The following C19orf85 variants were observed in gnomAD, a reference collection of about 807,000 sequenced individuals.
C19orf85 encodes the protein uncharacterized protein C19orf85.
rs1336739433 is a variant in C19orf85 at position 55,464,723 on chromosome 19, C to T, written c.-169G>A. On this transcript the variant is annotated 5_prime_UTR_variant, in exon 1 of 2. Coordinates refer to ENST00000635964, the MANE Select transcript of C19orf85 (RefSeq NM_001386794.1). ...TCCCCACTGTGCCCTAACCCTGTCC[C>T]CACCTCCCAGGAGCCCGACCTGAAG... The T allele has an allele frequency of 2.5e-6, 1 of 396,308 alleles. No individual in the cohort carries two copies. The highest frequency in any genetic ancestry group is 1.4e-4 in the South Asian group (1 of 7,010). 24.5% of individuals were successfully genotyped at this position (396,308 alleles called of 1,614,324 possible). A position where few individuals can be genotyped will look rare whatever the true frequency, so the allele number is the denominator to read the frequency against.
rs1487062470 is a variant in C19orf85, at chr19:55,464,320, G to T, written c.173+62C>A. The T allele has an allele frequency of 1.5e-5, 6 of 398,514 alleles. No individual in the cohort carries two copies. The East Asian group carries it at 1.8e-4, about 12-fold the overall frequency. The allele number at this position is 398,514 out of a possible 1,614,324, so 24.7% of individuals were successfully genotyped here. ...TGTACCTGGTCTCCCCCAGCCAAGG[G>T]TGCTGGTTGCTCCTTCCCCTCTTCC... On this transcript the variant is annotated intron_variant, in intron 1 of 1. Transcript: ENST00000635964.
At position 55,463,111 on chromosome 19, in the gene C19orf85, C is replaced by A. The variant is rs2123394366; in HGVS notation, c.*361G>T. 1 of 223,502 alleles carries A rather than the reference C, an allele frequency of 4.5e-6. No individual in the cohort carries two copies. The highest frequency in any genetic ancestry group is 8.7e-6 in the Non-Finnish European group (1 of 115,060). 13.8% of individuals were successfully genotyped at this position (223,502 alleles called of 1,614,324 possible). ...CGTCTGCCTCGTTCACAGCTGAATC[C>A]TCAAGTCCTAGACCTGGGCCTGGCC... On this transcript the variant is annotated 3_prime_UTR_variant, in exon 2 of 2. Transcript: ENST00000635964. The surrounding 1 kb of genome is among the most constrained non-coding windows in gnomAD (Gnocchi z 4.9).
At chr19:55,464,235 C>G (rs1019196802) in intron 1 of C19orf85, 147 bp downstream of exon 1, 4 of 397,720 alleles carry the variant, frequency 1.0e-5, no homozygotes, top group Admixed American at 8.8e-5. Context: ...ACAGTAGGCA[C>G]TCAATAAATG....
Position 55,463,248 on chromosome 19 carries a change from AG to A in C19orf85, c.*223del, listed in dbSNP as rs949963879. 26 of 394,952 alleles carry A rather than the reference AG, an allele frequency of 6.6e-5. No individual in the cohort carries two copies. Among genetic ancestry groups the A allele is most frequent in the African/African-American group, 4.7e-4 (23 of 48,724 alleles). 24.5% of individuals were successfully genotyped at this position (394,952 alleles called of 1,614,324 possible). On this transcript the variant is annotated 3_prime_UTR_variant, in exon 2 of 2. Coordinates refer to ENST00000635964, the MANE Select transcript of C19orf85 (RefSeq NM_001386794.1). The surrounding 1 kb of genome is among the most constrained non-coding windows in gnomAD (Gnocchi z 4.9). ...GGATGCCCAGATGGGGCTAGGCAGA[AG>A]GAAGGGGGAAGGCAGGAAAGCAAGA... is the stretch of plus-strand genomic sequence containing the variant.
Position 55,463,606 on chromosome 19 carries a change from G to C in C19orf85, c.535C>G (p.Pro179Ala), listed in dbSNP as rs1378175640. ...RQVPHFCGPLPLPQHALGEEA... is the reference protein window; with the variant it reads ...RQVPHFCGPLALPQHALGEEA... ...TCCCCCAGGGCATGCTGGGGAAGGGGCAGGGGGCCGCAGAAATGTGGGACC... is the reference window on the plus strand; with the variant it reads ...TCCCCCAGGGCATGCTGGGGAAGGGCCAGGGGGCCGCAGAAATGTGGGACC... Residue 179 changes from proline (P) to alanine (A), a missense_variant, in exon 2 of 2, where the codon CCC becomes GCC. Transcript: ENST00000635964. This position sits in a 1 kb window ranked among gnomAD's most constrained non-coding sequence, Gnocchi z 4.9. 5.0e-6 allele frequency: 2 copies of C among 398,740 alleles called. No homozygotes were observed. The highest frequency in any genetic ancestry group is 8.8e-6 in the Non-Finnish European group (2 of 226,144). 24.7% of individuals were successfully genotyped at this position (398,740 alleles called of 1,614,324 possible). A position where few individuals can be genotyped will look rare whatever the true frequency, so the allele number is the denominator to read the frequency against.
Position 55,464,418 on chromosome 19 carries a change from G to C in C19orf85, c.137C>G (p.Pro46Arg), listed in dbSNP as rs931364621. The part of the protein sequence containing the change: ...PRRTRPPKRR[P>R]NHRRFLHNQI... ...GTTGTGCAGAAACCTTCTGTGGTTG[G>C]GCCGCCTCTTGGGGGGCCGGGTGCG... The change falls in exon 1 of 2, where the codon CCC (proline) becomes CGC (arginine). Residue 46 changes from proline (P) to arginine (R), a missense_variant. By Grantham distance (103) the Pro-to-Arg change is moderately radical. Coordinates refer to ENST00000635964, the MANE Select transcript of C19orf85 (RefSeq NM_001386794.1). The C allele has an allele frequency of 7.0e-5, 28 of 398,268 alleles. No homozygotes were observed. The highest frequency in any genetic ancestry group is 1.2e-4 in the Non-Finnish European group (26 of 225,908). The allele number at this position is 398,268 out of a possible 1,614,324, so 24.7% of individuals were successfully genotyped here. A position where few individuals can be genotyped will look rare whatever the true frequency, so the allele number is the denominator to read the frequency against.
At position 55,463,651 on chromosome 19, in the gene C19orf85, C is replaced by G; in HGVS notation, c.490G>C (p.Gly164Arg). 5.0e-6 allele frequency: 2 copies of G among 398,714 alleles called. No homozygotes were observed. The allele number at this position is 398,714 out of a possible 1,614,324, so 24.7% of individuals were successfully genotyped here. ...PAPGLSHRDL[G>R]QLDLRQVPHF... ...GGGACCTGCCTCAGGTCCAGCTGGC[C>G]CAGGTCGCGATGGGACAGACCCGGC... Residue 164 changes from glycine to arginine, a missense_variant, in exon 2 of 2, where the codon GGC becomes CGC. Transcript: ENST00000635964. The surrounding 1 kb of genome is among the most constrained non-coding windows in gnomAD (Gnocchi z 4.9).
Position 55,463,080 on chromosome 19 carries a change from G to A in C19orf85, c.*392C>T, listed in dbSNP as rs1388458514. On this transcript the variant is annotated 3_prime_UTR_variant, in exon 2 of 2. Transcript: ENST00000635964. The surrounding 1 kb of genome is among the most constrained non-coding windows in gnomAD (Gnocchi z 4.9). ...CAGAACAGGGAGCTCCCTGAGGCAG[G>A]GGTCCCGTCTGCCTCGTTCACAGCT... 5.0e-6 allele frequency: 1 copy of A among 200,052 alleles called. No individual in the cohort carries two copies. The highest frequency in any genetic ancestry group is 1.0e-5 in the Non-Finnish European group (1 of 100,316). The allele number at this position is 200,052 out of a possible 1,614,324, so 12.4% of individuals were successfully genotyped here.
chr19:55,464,626 G>A lies in C19orf85; in HGVS notation c.-72C>T. On this transcript the variant is annotated 5_prime_UTR_variant, in exon 1 of 2. Coordinates refer to ENST00000635964, the MANE Select transcript of C19orf85 (RefSeq NM_001386794.1). ...CACCCCCCAAATCTGTGAGCAGGGAGGGGCAGGGGACTCTGGAGGCCCAGG... is the reference window on the plus strand; with the variant it reads ...CACCCCCCAAATCTGTGAGCAGGGAAGGGCAGGGGACTCTGGAGGCCCAGG... The A allele has an allele frequency of 2.5e-6, 1 of 398,116 alleles. No individual in the cohort carries two copies. Among genetic ancestry groups the A allele is most frequent in the East Asian group, 3.6e-5 (1 of 28,048 alleles). 24.7% of individuals were successfully genotyped at this position (398,116 alleles called of 1,614,324 possible). A position where few individuals can be genotyped will look rare whatever the true frequency, so the allele number is the denominator to read the frequency against.
In C19orf85 at chr19:55,463,185, A is replaced by C. The variant is rs1986295804; in HGVS notation, c.*287T>G. 2.8e-6 allele frequency: 1 copy of C among 358,162 alleles called. No homozygotes were observed. The highest frequency in any genetic ancestry group is 1.5e-4 in the South Asian group (1 of 6,694). The allele number at this position is 358,162 out of a possible 1,614,324, so 22.2% of individuals were successfully genotyped here. On this transcript the variant is annotated 3_prime_UTR_variant, in exon 2 of 2. Coordinates refer to ENST00000635964, the MANE Select transcript of C19orf85 (RefSeq NM_001386794.1). The surrounding 1 kb of genome is among the most constrained non-coding windows in gnomAD (Gnocchi z 4.9). ...TTGGGAATAAATGACAGGAGAGCAG[A>C]CATTAGGCAGAGGTGAGCCTGGGTG...
chr19:55,464,003 G>A (rs1386298786), intron 1 of C19orf85, 36 bp from the exon 2 acceptor site: 2 of 398,548 alleles, frequency 5.0e-6, no homozygotes, highest in Admixed American at 4.4e-5. Context: ...GGTCTCTAAC[G>A]CCTGAACTCA....
chr19:55,463,417 C>A lies in C19orf85; in HGVS notation c.*55G>T. ...GGGCTCCTGGAGAGGGCTGTAGAGC[C>A]GTCGTGGAGGGGCCTCTGGCTTGTC... is the stretch of plus-strand genomic sequence containing the variant. On this transcript the variant is annotated 3_prime_UTR_variant, in exon 2 of 2. Coordinates refer to ENST00000635964, the MANE Select transcript of C19orf85 (RefSeq NM_001386794.1). The surrounding 1 kb of genome is among the most constrained non-coding windows in gnomAD (Gnocchi z 4.9). 1.0e-5 allele frequency: 4 copies of A among 398,808 alleles called. No individual in the cohort carries two copies. Among genetic ancestry groups the A allele is most frequent in the Non-Finnish European group, 1.8e-5 (4 of 226,226 alleles). The allele number at this position is 398,808 out of a possible 1,614,324, so 24.7% of individuals were successfully genotyped here.
In C19orf85 at chr19:55,464,372, G is replaced by A; in HGVS notation, c.173+10C>T. 1 of 398,440 alleles carries A rather than the reference G, an allele frequency of 2.5e-6. No homozygotes were observed. The highest frequency in any genetic ancestry group is 4.4e-6 in the Non-Finnish European group (1 of 225,984). The allele number at this position is 398,440 out of a possible 1,614,324, so 24.7% of individuals were successfully genotyped here. A position where few individuals can be genotyped will look rare whatever the true frequency, so the allele number is the denominator to read the frequency against. On this transcript the variant is annotated intron_variant, in intron 1 of 1. Coordinates refer to ENST00000635964, the MANE Select transcript of C19orf85 (RefSeq NM_001386794.1). Reference sequence around the variant, plus strand: ...CGTCCCGTGCCCACCTTCCCCACCAGCCCCCTCACCTGCAGATCTGGTTGT... The same window carrying A: ...CGTCCCGTGCCCACCTTCCCCACCAACCCCCTCACCTGCAGATCTGGTTGT...
chr19:55,464,294 C>T, intron 1 of C19orf85, 88 bp downstream of exon 1: 1 of 398,120 alleles, frequency 2.5e-6, no homozygotes, highest in Non-Finnish European at 4.4e-6. Context: ...TCCTCTCTGT[C>T]TGTACCTGGT....
rs1599888393 is a variant in C19orf85 at position 55,463,257 on chromosome 19, G to A, written c.*215C>T. 7.6e-6 allele frequency: 3 copies of A among 396,768 alleles called. No homozygotes were observed. The highest frequency in any genetic ancestry group is 1.3e-5 in the Non-Finnish European group (3 of 225,472). 24.6% of individuals were successfully genotyped at this position (396,768 alleles called of 1,614,324 possible). A position where few individuals can be genotyped will look rare whatever the true frequency, so the allele number is the denominator to read the frequency against. ...GATGGGGCTAGGCAGAAGGAAGGGGGAAGGCAGGAAAGCAAGAAGAGGTGG... is the reference window on the plus strand; with the variant it reads ...GATGGGGCTAGGCAGAAGGAAGGGGAAAGGCAGGAAAGCAAGAAGAGGTGG... On this transcript the variant is annotated 3_prime_UTR_variant, in exon 2 of 2. Transcript: ENST00000635964. The surrounding 1 kb of genome is among the most constrained non-coding windows in gnomAD (Gnocchi z 4.9).
chr19:55,464,043 T>G, intron 1 of C19orf85, 76 bp from the exon 2 acceptor site: 2 of 398,620 alleles, frequency 5.0e-6, no homozygotes, highest in Non-Finnish European at 8.8e-6. Context: ...CCTTTCAAGG[T>G]GCTGGGATTG....
rs1451223327 is a variant in C19orf85 at position 55,464,459 on chromosome 19, C to T, written c.96G>A (p.Arg32=). The part of the protein sequence containing the change: ...FVSGAAAHML[R]ALQPRRTRPP... ...GCCGGGTGCGCCGGGGCTGCAGGGC[C>T]CGCAGCATGTGGGCGGCCGCCCCGC... The change falls in exon 1 of 2, where the codon CGG becomes CGA. Residue 32 remains arginine, a synonymous_variant. Coordinates refer to ENST00000635964, the MANE Select transcript of C19orf85 (RefSeq NM_001386794.1). 5 of 398,176 alleles carry T rather than the reference C, an allele frequency of 1.3e-5. No individual in the cohort carries two copies. Among genetic ancestry groups the T allele is most frequent in the Admixed American group, 4.4e-5 (1 of 22,710 alleles). The allele number at this position is 398,176 out of a possible 1,614,324, so 24.7% of individuals were successfully genotyped here.
chr19:55,464,541 A>G lies in C19orf85; in HGVS notation c.14T>C (p.Val5Ala). MHPG[V>A]PEGPGVSEPG... is the part of the protein sequence containing the mutation. ...CTCGGAGACCCCAGGGCCTTCGGGGACCCCGGGGTGCATGGCCAGGGTGGT... is the reference window on the plus strand; with the variant it reads ...CTCGGAGACCCCAGGGCCTTCGGGGGCCCCGGGGTGCATGGCCAGGGTGGT... The change falls in exon 1 of 2, where the codon GTC (valine) becomes GCC (alanine). Residue 5 changes from valine (V) to alanine (A), a missense_variant. Transcript: ENST00000635964. 2.5e-6 allele frequency: 1 copy of G among 398,064 alleles called. No homozygotes were observed. 24.7% of individuals were successfully genotyped at this position (398,064 alleles called of 1,614,324 possible).
chr19:55,463,451 TG>T lies in C19orf85; in HGVS notation c.*20del, dbSNP rs2123394715. ...GGGGCCTCTGGCTTGTCCTGGGTTC[TG>T]GGCTGGGTTGTGATTGGCCTCATGG... On this transcript the variant is annotated 3_prime_UTR_variant, in exon 2 of 2. Transcript: ENST00000635964. This position sits in a 1 kb window ranked among gnomAD's most constrained non-coding sequence, Gnocchi z 4.9. 2.5e-6 allele frequency: 1 copy of T among 398,256 alleles called. No homozygotes were observed. The highest frequency in any genetic ancestry group is 3.6e-5 in the East Asian group (1 of 27,996). 24.7% of individuals were successfully genotyped at this position (398,256 alleles called of 1,614,324 possible).
Sources: gnomAD v4.1 joint callset for allele counts on GRCh38, gnomAD v4.1.1 for gene constraint, Gnocchi (gnomAD v3.1) non-coding constraint, MANE v1.5 for transcripts, NCBI Gene and HGNC (gene_info 2026-07-23, HGNC 2026-07-21) for gene names.